Variants in ZNF723 observed in about 807,000 individuals in gnomAD.
ZNF723 encodes the protein zinc finger protein 723, also known as zinc finger protein 723, pseudogene.
In ZNF723, 5 loss-of-function variants were observed where a neutral mutation model predicts 9.4. That is an observed-to-expected ratio of 0.53 (90% CI 0.28 to 1.12). The LOEUF is 1.12. Among genes scored for constraint, ZNF723 ranks in the 50% most tolerant of loss-of-function variants. The pLI, the probability that ZNF723 is intolerant of heterozygous loss-of-function variation, is 0.10. For missense variants in ZNF723, 450 were observed against 501.5 expected, an observed-to-expected ratio of 0.90 and a Z score of 0.98; for synonymous variants, 158 against 168.8, an observed-to-expected ratio of 0.94 and a Z score of 0.49.
At chr19:22,843,056 C>G (rs763387626) in intron 1 of ZNF723, among the ~76,000 whole-genome samples, 2 of 152,140 alleles carry the variant, frequency 1.3e-5, no homozygotes, top group East Asian at 1.9e-4. Flanking sequence ...GATAATGTAT[C>G]CAGAGCCATA....
the ZNF723 span, among the ~76,000 whole-genome samples, chr19:22,826,555 C>T: frequency 1.3e-5 from 2 of 152,214 alleles, no homozygotes; most frequent in African/African-American, 2.4e-5. Context: ...ACAGTTATAA[C>T]TGTCACTCTC....
At chr19:22,840,022 TTGTC>T (rs1967221201) in intron 1 of ZNF723, among the ~76,000 whole-genome samples, 1 of 152,214 alleles carries the variant, frequency 6.6e-6, no homozygotes, top group Non-Finnish European at 1.5e-5. Context: ...TATTAGTTGT[TTGTC>T]AGCAGCATAG....
the ZNF723 span, among the ~76,000 whole-genome samples, chr19:22,813,406 C>T: frequency 1.3e-5 from 2 of 152,064 alleles, no homozygotes. Flanking sequence ...TTTGTGCTGC[C>T]CCTAGGGTTG....
chr19:22,837,276 TAAA>T (rs35892606), intron 1 of ZNF723, among the ~76,000 whole-genome samples: 8 of 124,970 alleles, frequency 6.4e-5, no homozygotes, highest in Admixed American at 1.7e-4. Context: ...GACTCTGGCT[TAAA>T]AAAAAAAAAA....
At chr19:22,826,529 T>C in the ZNF723 span, among the ~76,000 whole-genome samples, 2,388 of 152,326 alleles carry the variant, frequency 0.016, 33 homozygotes, top group Middle Eastern at 0.048. Flanking sequence ...GTGACTTTCA[T>C]ATGCACACCC....
intron 1 of ZNF723, 22 bp from the exon 2 acceptor site, chr19:22,848,239 T>A: frequency 1.1e-6 from 1 of 917,594 alleles, no homozygotes. Flanking sequence ...TGTGTGTATG[T>A]GTGTGTGTGT....
In ZNF723 at chr19:22,858,125, C is replaced by A; in HGVS notation, c.1234C>A (p.Leu412Ile). The change falls in exon 4 of 4, where the codon CTT becomes ATT. Residue 412 changes from leucine (L) to isoleucine (I), a missense_variant. By Grantham distance (5) the Leu-to-Ile change is conservative. This residue lies in a region of ZNF723 where 237 missense variants were observed against 332.2 expected (regional missense o/e 0.71). Transcript: ENST00000600766. ...CAAAGCCTTTAACCAATCCTCAGCC[C>A]TTACTACACATAAGATAATTCATAC... ...CGKAFNQSSA[L>I]TTHKIIHTGE... 1 of 1,447,148 alleles carries A rather than the reference C, an allele frequency of 6.9e-7. No homozygotes were observed. Among genetic ancestry groups the A allele is most frequent in the Non-Finnish European group, 9.7e-7 (1 of 1,029,342 alleles). 89.6% of individuals were successfully genotyped at this position (1,447,148 alleles called of 1,614,324 possible). A position where few individuals can be genotyped will look rare whatever the true frequency, so the allele number is the denominator to read the frequency against.
chr19:22,835,386 C>T (rs1472905355), intron 1 of ZNF723, among the ~76,000 whole-genome samples: 1 of 151,766 alleles, frequency 6.6e-6, no homozygotes, highest in African/African-American at 2.4e-5. Context: ...CTTATATTGA[C>T]TTCAGTTTCT....
chr19:22,852,494 G>A (rs1459736260), intron 3 of ZNF723, among the ~76,000 whole-genome samples: 1 of 151,944 alleles, frequency 6.6e-6, no homozygotes, highest in Non-Finnish European at 1.5e-5. Context: ...TATTTTTTGT[G>A]TAGGTTTGTT....
At chr19:22,823,896 C>T in the ZNF723 span, among the ~76,000 whole-genome samples, 1 of 152,308 alleles carries the variant, frequency 6.6e-6, no homozygotes, top group South Asian at 2.1e-4. Context: ...ACTTCTTCTG[C>T]CATAGTTCTC....
the ZNF723 span, among the ~76,000 whole-genome samples, chr19:22,821,922 A>G: frequency 6.6e-6 from 1 of 152,206 alleles, no homozygotes; most frequent in Non-Finnish European, 1.5e-5. Context: ...CAGCCTGCCC[A>G]ATATGGTGAA....
intron 1 of ZNF723, among the ~76,000 whole-genome samples, chr19:22,844,448 A>G (rs1241378241): frequency 6.6e-6 from 1 of 152,220 alleles, no homozygotes; most frequent in African/African-American, 2.4e-5. Flanking sequence ...TAATGCTGGG[A>G]ATTATTAAAT....
the ZNF723 span, among the ~76,000 whole-genome samples, chr19:22,822,493 G>A: frequency 6.6e-6 from 1 of 152,192 alleles, no homozygotes; most frequent in Non-Finnish European, 1.5e-5. Context: ...ACAGAAGATT[G>A]TAAAACTCAT....
upstream of ZNF723, among the ~76,000 whole-genome samples, chr19:22,831,422 T>A (rs1316547281): frequency 1.3e-5 from 2 of 151,512 alleles, no homozygotes; most frequent in African/African-American, 4.9e-5. Flanking sequence ...CTGGGTGTGG[T>A]GGCGGATGCC....
chr19:22,827,438 G>GT (rs1555737909), upstream of ZNF723, among the ~76,000 whole-genome samples: 5 of 65,464 alleles, frequency 7.6e-5, no homozygotes, highest in Non-Finnish European at 5.9e-5. Flanking sequence ...TTTTTTTTTT[G>GT]TTTTTTTGTT....
At chr19:22,834,233 A>G (rs1040550312) in intron 1 of ZNF723, among the ~76,000 whole-genome samples, 12 of 152,162 alleles carry the variant, frequency 7.9e-5, no homozygotes, top group African/African-American at 2.6e-4. Flanking sequence ...CATTCTTGAT[A>G]ATGTATTTTA....
chr19:22,826,491 T>C, the ZNF723 span, among the ~76,000 whole-genome samples: 3 of 152,218 alleles, frequency 2.0e-5, no homozygotes, highest in South Asian at 2.1e-4. Context: ...GAGAGTATTA[T>C]AACAGGGCTC....
the ZNF723 span, among the ~76,000 whole-genome samples, chr19:22,818,036 C>T: frequency 6.6e-6 from 1 of 152,176 alleles, no homozygotes; most frequent in African/African-American, 2.4e-5. Flanking sequence ...AAATATCCAG[C>T]CACAGTTGAG....
chr19:22,839,784 T>C (rs947404113), intron 1 of ZNF723, among the ~76,000 whole-genome samples: 1 of 152,162 alleles, frequency 6.6e-6, no homozygotes, highest in Non-Finnish European at 1.5e-5. Context: ...CCTGCATCTG[T>C]AATTTTTTGA....
Sources: allele counts gnomAD v4.1 joint callset (sites outside exome capture counted in the v4.1 genomes callset), GRCh38; gene constraint gnomAD v4.1.1; regional missense constraint gnomAD v4.1.1; transcripts MANE v1.5; gene names NCBI Gene and HGNC (gene_info 2026-07-23, HGNC 2026-07-21).